PCDHGB7: variants seen among roughly 807,000 people sequenced by gnomAD.
PCDHGB7 encodes the protein protocadherin gamma subfamily B, 7, also known as protocadherin gamma-B7.
Under a neutral mutation model 61.4 loss-of-function variants are expected in PCDHGB7, and 37 were observed. The observed-to-expected ratio is 0.60, with a 90% CI of 0.46 to 0.79. The LOEUF (loss-of-function observed/expected upper bound fraction) is 0.79, where lower values mean the gene tolerates loss of function less well. Ranked by LOEUF, PCDHGB7 falls within the 30% of genes least tolerant of loss-of-function variation. PCDHGB7 has a pLI of 0.00. For missense variants in PCDHGB7, 1,166 were observed against 1,202.5 expected, an observed-to-expected ratio of 0.97 and a Z score of 0.45; for synonymous variants, 464 against 503.5, an observed-to-expected ratio of 0.92 and a Z score of 1.05.
rs771162532 is a variant in PCDHGB7, at chr5:141,491,756, C to A, written c.2416-3051C>A. On this transcript the variant is annotated intron_variant, in intron 1 of 3. Transcript: ENST00000398594. The surrounding 1 kb of genome is among the most constrained non-coding windows in gnomAD (Gnocchi z 6.9). ...CCTGGGGGCGGCACTGGAGAAGCCGCCCGTCCTCATAAGGGATTGAACTTG... is the reference window on the plus strand; with the variant it reads ...CCTGGGGGCGGCACTGGAGAAGCCGACCGTCCTCATAAGGGATTGAACTTG... The A allele has an allele frequency of 6.3e-7, 1 of 1,581,720 alleles. No individual in the cohort carries two copies. Among genetic ancestry groups the A allele is most frequent in the Middle Eastern group, 1.7e-4 (1 of 5,958 alleles).
rs537985555 is a variant in PCDHGB7 at position 141,449,278 on chromosome 5, C to A, written c.2415+29004C>A. On this transcript the variant is annotated intron_variant, in intron 1 of 3. Coordinates refer to ENST00000398594, the MANE Select transcript of PCDHGB7 (RefSeq NM_018927.4). ...TGTACAAAGAACTGTATCTCCTTCA[C>A]CCGGATGCACCGGGTGAATTATATG... Among the ~76,000 whole-genome samples the A allele has an allele frequency of 4.6e-5, 7 of 152,166 alleles. No homozygotes were observed. In the South Asian group the frequency reaches 1.5e-3, roughly 32 times the overall value.
intron 1 of PCDHGB7, chr5:141,478,419 G>A (rs2530208): frequency 3.7e-6 from 6 of 1,613,632 alleles, no homozygotes; most frequent in South Asian, 2.2e-5. Context: ...GACTCCCGCC[G>A]CAGCGACCCG....
chr5:141,437,262 G>A (rs1490690532), intron 1 of PCDHGB7, among the ~76,000 whole-genome samples: 1 of 152,152 alleles, frequency 6.6e-6, no homozygotes, highest in Non-Finnish European at 1.5e-5. Flanking sequence ...CTTTTTATGT[G>A]TATGACAGAT....
At chr5:141,440,382 C>T (rs898655247) in intron 1 of PCDHGB7, 2 of 152,178 alleles carry the variant, frequency 1.3e-5, no homozygotes, top group Non-Finnish European at 2.9e-5. Context: ...AGGAGAATCG[C>T]TTGAACCCGA....
chr5:141,469,296 A>T (rs2099196287), intron 1 of PCDHGB7, among the ~76,000 whole-genome samples: 1 of 149,742 alleles, frequency 6.7e-6, no homozygotes, highest in Non-Finnish European at 1.5e-5. Context: ...AACAAAATAG[A>T]CTGGGCACGA....
At chr5:141,421,508 A>C in intron 1 of PCDHGB7, 1 of 1,614,046 alleles carries the variant, frequency 6.2e-7, no homozygotes, top group Non-Finnish European at 8.5e-7. Context: ...ATAGACCGGG[A>C]GGAGCTCTGT....
intron 1 of PCDHGB7, among the ~76,000 whole-genome samples, chr5:141,452,664 T>C (rs557662640): frequency 6.6e-6 from 1 of 151,058 alleles, no homozygotes; most frequent in South Asian, 2.1e-4. Context: ...TCCACTGCAC[T>C]CCAGCCTAGG....
chr5:141,491,368 A>G lies in PCDHGB7; in HGVS notation c.2416-3439A>G. ...CAGTCTCTTATCCCTAGTCACCTTC[A>G]CCTTTCTGTCAGCGAAGTGCCTTCA... On this transcript the variant is annotated intron_variant, in intron 1 of 3. Transcript: ENST00000398594. This position sits in a 1 kb window ranked among gnomAD's most constrained non-coding sequence, Gnocchi z 6.9. 6.2e-7 allele frequency: 1 copy of G among 1,613,842 alleles called. No homozygotes were observed. The highest frequency in any genetic ancestry group is 8.5e-7 in the Non-Finnish European group (1 of 1,179,940).
At position 141,489,585 on chromosome 5, in the gene PCDHGB7, G is replaced by A; in HGVS notation, c.2416-5222G>A. 3 of 1,614,090 alleles carry A rather than the reference G, an allele frequency of 1.9e-6. No individual in the cohort carries two copies. Among genetic ancestry groups the A allele is most frequent in the Non-Finnish European group, 2.5e-6 (3 of 1,180,004 alleles). The stretch of plus-strand genomic sequence containing the variant: ...AGGTGGTGACTGAACACCCCCTGGA[G>A]CTAATCCGTGTAGAGGTAGAGATCC... On this transcript the variant is annotated intron_variant, in intron 1 of 3. Coordinates refer to ENST00000398594, the MANE Select transcript of PCDHGB7 (RefSeq NM_018927.4). The surrounding 1 kb of genome is among the most constrained non-coding windows in gnomAD (Gnocchi z 4.5).
At position 141,495,009 on chromosome 5, in the gene PCDHGB7, G is replaced by A; in HGVS notation, c.2474+144G>A. 6 of 1,518,622 alleles carry A rather than the reference G, an allele frequency of 4.0e-6. No homozygotes were observed. The South Asian group carries it at 6.2e-5, about 16-fold the overall frequency. The allele number at this position is 1,518,622 out of a possible 1,614,324, so 94.1% of individuals were successfully genotyped here. ...TCCCAGGGAGGTCTTGGTGTGCGGG[G>A]GGCTGGCACACAGACCCCGGAAGGA... is the stretch of plus-strand genomic sequence containing the variant. On this transcript the variant is annotated intron_variant, in intron 2 of 3. Coordinates refer to ENST00000398594, the MANE Select transcript of PCDHGB7 (RefSeq NM_018927.4).
intron 1 of PCDHGB7, among the ~76,000 whole-genome samples, chr5:141,447,082 T>A (rs1259827606): frequency 6.6e-6 from 1 of 152,156 alleles, no homozygotes; most frequent in Non-Finnish European, 1.5e-5. Flanking sequence ...ATTTTTGTTG[T>A]TTAATTTTCT....
At chr5:141,445,020 C>T (rs2098454249) in intron 1 of PCDHGB7, among the ~76,000 whole-genome samples, 1 of 152,130 alleles carries the variant, frequency 6.6e-6, no homozygotes, top group Non-Finnish European at 1.5e-5. Flanking sequence ...TTTAATTTCT[C>T]TCAGCTATGT....
intron 1 of PCDHGB7, chr5:141,478,675 G>A (rs1264846161): frequency 6.4e-7 from 1 of 1,551,574 alleles, no homozygotes; most frequent in South Asian, 1.2e-5. Context: ...ACTTTCAACT[G>A]GCCCTTCCTA....
At chr5:141,444,757 C>T (rs919228537) in intron 1 of PCDHGB7, among the ~76,000 whole-genome samples, 4 of 152,050 alleles carry the variant, frequency 2.6e-5, no homozygotes, top group African/African-American at 9.7e-5. Flanking sequence ...ATATGTAGTT[C>T]TATTTCTATA....
At position 141,432,412 on chromosome 5, in the gene PCDHGB7, C is replaced by G. The variant is rs773688197; in HGVS notation, c.2415+12138C>G. 1.9e-6 allele frequency: 3 copies of G among 1,614,246 alleles called. No individual in the cohort carries two copies. The highest frequency in any genetic ancestry group is 2.2e-5 in the East Asian group (1 of 44,882). ...GCAGCAACGTGTCGTTGAGCCTGTT[C>G]GTGCTGGACCAGAACGACAATGCGC... On this transcript the variant is annotated intron_variant, in intron 1 of 3. Transcript: ENST00000398594. This position sits in a 1 kb window ranked among gnomAD's most constrained non-coding sequence, Gnocchi z 6.0.
At chr5:141,492,242 C>G (rs2099738685) in intron 1 of PCDHGB7, among the ~76,000 whole-genome samples, 1 of 152,190 alleles carries the variant, frequency 6.6e-6, no homozygotes, top group Admixed American at 6.5e-5. Flanking sequence ...GCTGGCCACC[C>G]CCACGGCCCA....
At chr5:141,473,228 A>T (rs549587219) in intron 1 of PCDHGB7, among the ~76,000 whole-genome samples, 1 of 152,296 alleles carries the variant, frequency 6.6e-6, no homozygotes, top group African/African-American at 2.4e-5. Context: ...GGGAGATTGG[A>T]TCCACACAAG....
chr5:141,490,050 C>T lies in PCDHGB7; in HGVS notation c.2416-4757C>T, dbSNP rs1400735375. On this transcript the variant is annotated intron_variant, in intron 1 of 3. Transcript: ENST00000398594. This position sits in a 1 kb window ranked among gnomAD's most constrained non-coding sequence, Gnocchi z 5.4. ...TCCGCCTCAATGCCACTGATCCAGA[C>T]GAGGGCACCAACGGCCAACTAGACT... The T allele has an allele frequency of 1.2e-6, 2 of 1,614,224 alleles. No individual in the cohort carries two copies. The highest frequency in any genetic ancestry group is 1.7e-6 in the Non-Finnish European group (2 of 1,180,022).
chr5:141,439,773 C>G (rs1323463060), intron 1 of PCDHGB7: 2 of 152,344 alleles, frequency 1.3e-5, no homozygotes, highest in East Asian at 3.9e-4. Flanking sequence ...TCCTTCTTGG[C>G]TGGAGATTCT....
Sources: gnomAD v4.1 joint callset for allele counts (sites outside exome capture counted in the v4.1 genomes callset) on GRCh38, gnomAD v4.1.1 for gene constraint, Gnocchi (gnomAD v3.1) non-coding constraint, MANE v1.5 for transcripts, NCBI Gene and HGNC (gene_info 2026-07-23, HGNC 2026-07-21) for gene names.